The following VPS41 variants were observed in gnomAD, a reference collection of about 807,000 sequenced individuals.
VPS41 encodes vacuolar protein sorting-associated protein 41 homolog.
Under a neutral mutation model 130.9 loss-of-function variants are expected in VPS41, and 85 were observed. That is an observed-to-expected ratio of 0.65 (90% CI 0.55 to 0.78). The LOEUF (loss-of-function observed/expected upper bound fraction) is 0.78, where lower values mean the gene tolerates loss of function less well. Among genes scored for constraint, VPS41 ranks in the 30% least tolerant of loss-of-function variants. The pLI is 0.00. For synonymous variants in VPS41, 335 were observed against 332.9 expected, an observed-to-expected ratio of 1.01 and a Z score of -0.07; for missense variants, 874 against 1,018.7, an observed-to-expected ratio of 0.86 and a Z score of 1.93.
intron 1 of VPS41, among the ~76,000 whole-genome samples, chr7:38,904,552 T>C (rs1019230027): frequency 2.0e-5 from 3 of 152,260 alleles, no homozygotes; most frequent in Non-Finnish European, 2.9e-5. Context: ...CAGGTTTCGA[T>C]GATTAACCTC....
intron 10 of VPS41, among the ~76,000 whole-genome samples, chr7:38,786,711 G>A (rs1467507815): frequency 6.6e-6 from 1 of 152,034 alleles, no homozygotes; most frequent in Admixed American, 6.5e-5. Context: ...ATCTATAACA[G>A]AACAGAAAAC....
At chr7:38,729,450 C>T (rs1021280198) in intron 25 of VPS41, among the ~76,000 whole-genome samples, 2 of 152,004 alleles carry the variant, frequency 1.3e-5, no homozygotes, top group African/African-American at 4.8e-5. Context: ...CTATAATAAC[C>T]TTCAAATTTG....
intron 7 of VPS41, among the ~76,000 whole-genome samples, chr7:38,811,710 T>C (rs1784947269): frequency 6.6e-6 from 1 of 151,836 alleles, no homozygotes; most frequent in African/African-American, 2.4e-5. Flanking sequence ...TGTATTACCC[T>C]AGGGTGCTTT....
At chr7:38,851,310 AT>A (rs2116264918) in intron 4 of VPS41, among the ~76,000 whole-genome samples, 1 of 152,360 alleles carries the variant, frequency 6.6e-6, no homozygotes, top group Admixed American at 6.5e-5. Context: ...CCCATAGGGC[AT>A]TTAATTCTTT....
At chr7:38,852,915 C>T (rs1215221709) in intron 4 of VPS41, among the ~76,000 whole-genome samples, 1 of 152,104 alleles carries the variant, frequency 6.6e-6, no homozygotes, top group Non-Finnish European at 1.5e-5. Flanking sequence ...AGTCAGTCAC[C>T]ACAAAGACAC....
At chr7:38,735,997 G>GA (rs1341031036) in intron 25 of VPS41, among the ~76,000 whole-genome samples, 2 of 152,038 alleles carry the variant, frequency 1.3e-5, no homozygotes, top group South Asian at 4.1e-4. Flanking sequence ...TGAGGCAAAA[G>GA]AAAAAACCGT....
intron 5 of VPS41, among the ~76,000 whole-genome samples, chr7:38,825,374 T>C (rs1785251085): frequency 6.6e-6 from 1 of 152,230 alleles, no homozygotes; most frequent in Non-Finnish European, 1.5e-5. Context: ...TTCACTACTA[T>C]GACATGCCAA....
chr7:38,732,821 T>C (rs1024323156), intron 25 of VPS41, among the ~76,000 whole-genome samples: 4 of 152,272 alleles, frequency 2.6e-5, no homozygotes, highest in Admixed American at 6.5e-5. Flanking sequence ...TTTTATTTAG[T>C]TTTATTATTT....
intron 4 of VPS41, among the ~76,000 whole-genome samples, chr7:38,837,901 T>C (rs1219783936): frequency 2.0e-5 from 3 of 152,206 alleles, no homozygotes; most frequent in Non-Finnish European, 2.9e-5. Flanking sequence ...CAGAAGATAG[T>C]TTTAATATAT....
At chr7:38,903,824 A>G (rs1787195229) in intron 1 of VPS41, among the ~76,000 whole-genome samples, 1 of 152,138 alleles carries the variant, frequency 6.6e-6, no homozygotes, top group Non-Finnish European at 1.5e-5. Flanking sequence ...AGTAGTAAAG[A>G]TGAGGACTCA....
Position 38,754,922 on chromosome 7 carries a change from C to T in VPS41, c.1710G>A (p.Met570Ile). Reference protein sequence around the residue: ...MDFDSEKAVDMLLDNEDKISI... With the variant: ...MDFDSEKAVDILLDNEDKISI... ...AAATTTTATCTTCATTGTCCAAAAG[C>T]ATGTCAACAGCTTTCTGAAACATAT... The change falls in exon 20 of 29, where the codon ATG (methionine) becomes ATA (isoleucine). Residue 570 changes from methionine (M) to isoleucine (I), a missense_variant. Physicochemically the swap from Met to Ile is conservative, Grantham distance 10. Coordinates refer to ENST00000310301, the MANE Select transcript of VPS41 (RefSeq NM_014396.4). The T allele has an allele frequency of 6.2e-7, 1 of 1,613,624 alleles. No homozygotes were observed. Among genetic ancestry groups the T allele is most frequent in the East Asian group, 2.2e-5 (1 of 44,808 alleles).
chr7:38,774,771 A>C (rs1784226233), intron 11 of VPS41, among the ~76,000 whole-genome samples: 1 of 152,168 alleles, frequency 6.6e-6, no homozygotes, highest in African/African-American at 2.4e-5. Context: ...CTTGCCTGTG[A>C]ACTCCCTAAG....
At position 38,836,459 on chromosome 7, in the gene VPS41, C is replaced by T. The variant is rs563145684; in HGVS notation, c.247-6131G>A. ...CATCAGTAAAAACTGCAGTCTTAAG[C>T]TATATTAGTTCTAAGAATGAATCCA... On this transcript the variant is annotated intron_variant, in intron 4 of 28. Coordinates refer to ENST00000310301, the MANE Select transcript of VPS41 (RefSeq NM_014396.4). 7.9e-5 allele frequency among the ~76,000 whole-genome samples: 12 copies of T among 152,156 alleles called. No homozygotes were observed. The South Asian group carries it at 1.9e-3, about 24-fold the overall frequency.
chr7:38,805,132 T>C (rs969726450), intron 7 of VPS41, among the ~76,000 whole-genome samples: 2 of 152,238 alleles, frequency 1.3e-5, no homozygotes, highest in African/African-American at 4.8e-5. Flanking sequence ...TGAAAATCCT[T>C]GCACAGTGAG....
chr7:38,904,798 G>A (rs920608971), intron 1 of VPS41, among the ~76,000 whole-genome samples: 12 of 152,240 alleles, frequency 7.9e-5, no homozygotes, highest in African/African-American at 2.9e-4. Context: ...AATAAGGACA[G>A]AATTCCCCTA....
At chr7:38,797,478 T>C (rs141996821) in intron 7 of VPS41, among the ~76,000 whole-genome samples, 70 of 152,326 alleles carry the variant, frequency 4.6e-4, no homozygotes, top group Middle Eastern at 3.4e-3. Flanking sequence ...ATATAAAATA[T>C]AACTGGTCAA....
At position 38,795,616 on chromosome 7, in the gene VPS41, AAAAT is replaced by A; in HGVS notation, c.571-9_571-6del. ...GATGTCAAAAATCTTCACACCCTGG[AAAAT>A]AATACAGCAGTAAGCATCCTCTACT... On this transcript the variant is annotated splice_polypyrimidine_tract_variant and splice_region_variant and intron_variant, in intron 8 of 28. Coordinates refer to ENST00000310301, the MANE Select transcript of VPS41 (RefSeq NM_014396.4). The A allele has an allele frequency of 6.2e-7, 1 of 1,610,146 alleles. No homozygotes were observed. The highest frequency in any genetic ancestry group is 8.5e-7 in the Non-Finnish European group (1 of 1,177,936).
At chr7:38,735,509 A>T (rs914681211) in intron 25 of VPS41, among the ~76,000 whole-genome samples, 1 of 151,824 alleles carries the variant, frequency 6.6e-6, no homozygotes, top group African/African-American at 2.4e-5. Flanking sequence ...CTGTGTGTGT[A>T]CATGTGTATA....
chr7:38,849,299 G>A (rs1261581311), intron 4 of VPS41, among the ~76,000 whole-genome samples: 1 of 152,122 alleles, frequency 6.6e-6, no homozygotes, highest in Admixed American at 6.5e-5. Context: ...TGAAGCCCCA[G>A]TGGGGGTGTG....
Sources: allele counts gnomAD v4.1 joint callset (sites outside exome capture counted in the v4.1 genomes callset), GRCh38; gene constraint gnomAD v4.1.1; transcripts MANE v1.5; gene names NCBI Gene and HGNC (gene_info 2026-07-23, HGNC 2026-07-21).